The following FAT3 variants were observed in gnomAD, a reference collection of about 807,000 sequenced individuals.
FAT3 encodes the protein FAT atypical cadherin 3.
A neutral mutation model predicts 310.2 loss-of-function variants in FAT3; 95 were observed. That is an observed-to-expected ratio of 0.31 (90% CI 0.26 to 0.36). FAT3 has a LOEUF of 0.36. Ranked by LOEUF, FAT3 falls within the 10% of genes least tolerant of loss-of-function variation. FAT3 has a pLI of 1.00. For synonymous variants in FAT3, 2,314 were observed against 2,192.9 expected (o/e 1.06, Z -1.54); for missense variants, 5,408 against 5,715.6 (o/e 0.95, Z 1.74).
intron 3 of FAT3, among the ~76,000 whole-genome samples, chr11:92,651,015 A>G (rs747126421): frequency 1.3e-5 from 2 of 152,182 alleles, no homozygotes; most frequent in Non-Finnish European, 2.9e-5. Context: ...AGTTTTCAGT[A>G]TAAACCAACT....
intron 3 of FAT3, among the ~76,000 whole-genome samples, chr11:92,557,327 G>C (rs539660): frequency 0.39 from 59,345 of 151,860 alleles, 12,315 homozygotes; most frequent in Middle Eastern, 0.53. Context: ...GGATTCCCCT[G>C]CACCTGTGAC....
intron 2 of FAT3, among the ~76,000 whole-genome samples, chr11:92,522,998 A>T (rs973700717): frequency 1.3e-5 from 2 of 152,126 alleles, no homozygotes; most frequent in African/African-American, 4.8e-5. Flanking sequence ...CACACACTGG[A>T]CAACATCTCT....
At chr11:92,246,773 A>G (rs1326194490) in intron 1 of FAT3, among the ~76,000 whole-genome samples, 2 of 152,102 alleles carry the variant, frequency 1.3e-5, no homozygotes, top group African/African-American at 2.4e-5. Context: ...GAACACATAC[A>G]TCACACTGTT....
chr11:92,887,600 G>C (rs1232833538), intron 25 of FAT3, among the ~76,000 whole-genome samples: 1 of 152,154 alleles, frequency 6.6e-6, no homozygotes, highest in Non-Finnish European at 1.5e-5. Flanking sequence ...TGGGCTGTTG[G>C]AGAATTTATT....
intron 3 of FAT3, among the ~76,000 whole-genome samples, chr11:92,532,269 A>T (rs1954107714): frequency 6.6e-6 from 1 of 152,250 alleles, no homozygotes; most frequent in Middle Eastern, 3.4e-3. Flanking sequence ...TACCATTAGG[A>T]TGTACCCTCT....
chr11:92,436,931 G>C (rs553532778), intron 2 of FAT3, among the ~76,000 whole-genome samples: 1 of 152,142 alleles, frequency 6.6e-6, no homozygotes, highest in African/African-American at 2.4e-5. Context: ...AGAAATTTTA[G>C]TCTTCCATGA....
intron 3 of FAT3, among the ~76,000 whole-genome samples, chr11:92,616,535 AT>A (rs1343562701): frequency 6.6e-6 from 1 of 152,026 alleles, no homozygotes; most frequent in Admixed American, 6.6e-5. Context: ...TTAGCTGGTT[AT>A]TTTGCTCGTT....
chr11:92,549,909 C>T (rs1158108226), intron 3 of FAT3, among the ~76,000 whole-genome samples: 1 of 152,022 alleles, frequency 6.6e-6, no homozygotes, highest in African/African-American at 2.4e-5. Flanking sequence ...TCATTTCATT[C>T]CAATAAGCCA....
chr11:92,545,924 T>C (rs1159999755), intron 3 of FAT3, among the ~76,000 whole-genome samples: 1 of 152,226 alleles, frequency 6.6e-6, no homozygotes, highest in Non-Finnish European at 1.5e-5. Flanking sequence ...TGAATGTGAC[T>C]GGGCATTTCT....
intron 3 of FAT3, among the ~76,000 whole-genome samples, chr11:92,547,989 C>T (rs955015471): frequency 1.3e-5 from 2 of 152,104 alleles, no homozygotes; most frequent in African/African-American, 2.4e-5. Flanking sequence ...TAGACATCTT[C>T]GGCCTTGGCT....
intron 3 of FAT3, among the ~76,000 whole-genome samples, chr11:92,542,778 G>GA (rs572830457): frequency 1.3e-4 from 19 of 150,170 alleles, no homozygotes; most frequent in South Asian, 4.2e-4. Flanking sequence ...GAAGATTCCT[G>GA]AAAAAAAAAT....
chr11:92,599,031 A>G (rs1939868873), intron 3 of FAT3, among the ~76,000 whole-genome samples: 1 of 152,168 alleles, frequency 6.6e-6, no homozygotes, highest in Non-Finnish European at 1.5e-5. Flanking sequence ...CTGAGAATAC[A>G]GCCTGTCTGG....
At chr11:92,276,136 T>G (rs952416758) in intron 1 of FAT3, among the ~76,000 whole-genome samples, 16 of 152,166 alleles carry the variant, frequency 1.1e-4, no homozygotes, top group Non-Finnish European at 4.4e-5. Context: ...AACCAAAATA[T>G]TTTCTTTAGC....
intron 1 of FAT3, among the ~76,000 whole-genome samples, chr11:92,302,348 C>T (rs959927822): frequency 1.3e-5 from 2 of 151,846 alleles, no homozygotes; most frequent in African/African-American, 4.8e-5. Flanking sequence ...ATGAGCTAGA[C>T]TAGCATTTAG....
chr11:92,792,194 C>G (rs573729103), intron 8 of FAT3, among the ~76,000 whole-genome samples: 8 of 152,246 alleles, frequency 5.3e-5, no homozygotes, highest in African/African-American at 1.7e-4. Context: ...ATACTTAGCC[C>G]TGAGCATTAT....
In FAT3 at chr11:92,894,113, A is replaced by G. The variant is rs968391071; in HGVS notation, c.*3000A>G. On this transcript the variant is annotated 3_prime_UTR_variant, in exon 28 of 28. Coordinates refer to ENST00000525166, the MANE Select transcript of FAT3 (RefSeq NM_001367949.2). ...ACTTCCACCATTCCTTCTTTGGAAT[A>G]TGCTATAAAAGAAAATTCATGGAGA... is the stretch of plus-strand genomic sequence containing the variant. 2 of 152,216 alleles carry G rather than the reference A, an allele frequency of 1.3e-5. No individual in the cohort carries two copies. Among genetic ancestry groups the G allele is most frequent in the African/African-American group, 4.8e-5 (2 of 41,448 alleles). 9.4% of individuals were successfully genotyped at this position (152,216 alleles called of 1,614,324 possible). A position where few individuals can be genotyped will look rare whatever the true frequency, so the allele number is the denominator to read the frequency against.
At chr11:92,717,174 C>T (rs766481343) in intron 4 of FAT3, among the ~76,000 whole-genome samples, 8 of 152,136 alleles carry the variant, frequency 5.3e-5, no homozygotes, top group Admixed American at 1.3e-4. Context: ...TCCTTCTTCA[C>T]GTCAAAAAAT....
At chr11:92,325,681 G>A (rs1418524639) in intron 1 of FAT3, among the ~76,000 whole-genome samples, 1 of 152,158 alleles carries the variant, frequency 6.6e-6, no homozygotes, top group Non-Finnish European at 1.5e-5. Flanking sequence ...CACCAGGCTG[G>A]AGTGCAGTGG....
At chr11:92,875,114 T>A (rs1158808399) in intron 22 of FAT3, among the ~76,000 whole-genome samples, 1 of 151,238 alleles carries the variant, frequency 6.6e-6, no homozygotes, top group Non-Finnish European at 1.5e-5. Context: ...TTAATTTTCA[T>A]AAACAAGCCT....
Sources: gnomAD v4.1 joint callset for allele counts (sites outside exome capture counted in the v4.1 genomes callset) on GRCh38, gnomAD v4.1.1 for gene constraint, MANE v1.5 for transcripts, NCBI Gene and HGNC (gene_info 2026-07-23, HGNC 2026-07-21) for gene names.